SEMA3E: variants seen among roughly 807,000 people sequenced by gnomAD.
SEMA3E encodes the protein semaphorin 3E, also known as semaphorin-3E.
A neutral mutation model predicts 93.6 loss-of-function variants in SEMA3E; 49 were observed. The observed-to-expected ratio is 0.52, with a 90% confidence interval of 0.42 to 0.66. The LOEUF is 0.66. SEMA3E is among the 30% of genes least tolerant of loss of function. The probability of loss-of-function intolerance (pLI) is 0.00; values close to 1 mark genes in which losing one functional copy is unlikely to be tolerated. For synonymous variants in SEMA3E, 363 were observed against 330.7 expected (o/e 1.10, Z -1.06); for missense variants, 906 against 964.8 (o/e 0.94, Z 0.81).
At chr7:83,508,341 C>T (rs113576144) in intron 1 of SEMA3E, among the ~76,000 whole-genome samples, 22,594 of 150,936 alleles carry the variant, frequency 0.15, 2,043 homozygotes, top group Middle Eastern at 0.35. Context: ...CAACTCACTG[C>T]AACCTCTGCC....
chr7:83,382,620 T>C (rs1787798783), intron 16 of SEMA3E, among the ~76,000 whole-genome samples: 1 of 151,678 alleles, frequency 6.6e-6, no homozygotes, highest in Non-Finnish European at 1.5e-5. Context: ...ATGCTATACA[T>C]AGTATCTTAT....
chr7:83,568,070 TAC>T (rs1792200937), intron 1 of SEMA3E, among the ~76,000 whole-genome samples: 1 of 151,706 alleles, frequency 6.6e-6, no homozygotes, highest in African/African-American at 2.4e-5. Flanking sequence ...ACAACTGAAA[TAC>T]AGAAGATCAT....
chr7:83,387,512 C>A (rs940245578), intron 14 of SEMA3E, among the ~76,000 whole-genome samples: 1 of 151,938 alleles, frequency 6.6e-6, no homozygotes, highest in Non-Finnish European at 1.5e-5. Context: ...ATAGTTTGTT[C>A]TATAGCCATT....
chr7:83,400,130 G>T lies in SEMA3E; in HGVS notation c.1264C>A (p.Pro422Thr), dbSNP rs762609959. 6.2e-7 allele frequency: 1 copy of T among 1,613,858 alleles called. No homozygotes were observed. Among genetic ancestry groups the T allele is most frequent in the Non-Finnish European group, 8.5e-7 (1 of 1,179,920 alleles). ...YQAIKPAHKKPILVKTDGKYN... is the reference protein window; with the variant it reads ...YQAIKPAHKKTILVKTDGKYN... ...TTTCCATCTGTTTTTACCAATATTG[G>T]TTTTTTATGGGCAGGTTTTATGGCC... The change falls in exon 11 of 17, where the codon CCA becomes ACA. Residue 422 changes from proline (P) to threonine (T), a missense_variant. By Grantham distance (38) the Pro-to-Thr change is conservative. Transcript: ENST00000643230.
intron 4 of SEMA3E, among the ~76,000 whole-genome samples, chr7:83,464,378 C>A (rs1422623268): frequency 6.7e-6 from 1 of 149,738 alleles, no homozygotes; most frequent in Admixed American, 6.7e-5. Flanking sequence ...GACTGTGCCC[C>A]CAAAAACTTG....
At chr7:83,436,066 T>C (rs759800118) in intron 4 of SEMA3E, among the ~76,000 whole-genome samples, 2 of 152,094 alleles carry the variant, frequency 1.3e-5, no homozygotes, top group Non-Finnish European at 2.9e-5. Flanking sequence ...GGGACCATAA[T>C]ATCAATACTA....
chr7:83,553,996 A>T (rs1180799307), intron 1 of SEMA3E, among the ~76,000 whole-genome samples: 1 of 152,122 alleles, frequency 6.6e-6, no homozygotes. Flanking sequence ...TTTTTAAAAA[A>T]TTTGCTGAAT....
intron 1 of SEMA3E, among the ~76,000 whole-genome samples, chr7:83,583,828 C>T (rs1158994638): frequency 6.6e-6 from 1 of 152,062 alleles, no homozygotes; most frequent in Non-Finnish European, 1.5e-5. Flanking sequence ...GTTCATTATG[C>T]CTGCGTGGTT....
chr7:83,498,870 C>T (rs552569001), intron 1 of SEMA3E, among the ~76,000 whole-genome samples: 31 of 152,238 alleles, frequency 2.0e-4, no homozygotes, highest in African/African-American at 7.0e-4. Flanking sequence ...TGGACTTTCC[C>T]TCTATTTAGT....
At chr7:83,434,914 C>T (rs1272867514) in intron 4 of SEMA3E, among the ~76,000 whole-genome samples, 4 of 151,436 alleles carry the variant, frequency 2.6e-5, no homozygotes, top group East Asian at 2.0e-4. Flanking sequence ...GGGGTTTCAC[C>T]GTTTTAGCCG....
At chr7:83,556,608 G>C (rs1791900513) in intron 1 of SEMA3E, among the ~76,000 whole-genome samples, 1 of 152,102 alleles carries the variant, frequency 6.6e-6, no homozygotes, top group Non-Finnish European at 1.5e-5. Context: ...ACAAGTAGCA[G>C]GCATGCCATA....
At chr7:83,486,348 T>A (rs995852196) in intron 2 of SEMA3E, among the ~76,000 whole-genome samples, 1 of 152,140 alleles carries the variant, frequency 6.6e-6, no homozygotes, top group Non-Finnish European at 1.5e-5. Context: ...CATCCTTAAC[T>A]ATGCATTATC....
chr7:83,587,353 T>C (rs1467999790), intron 1 of SEMA3E, among the ~76,000 whole-genome samples: 4 of 152,140 alleles, frequency 2.6e-5, no homozygotes, highest in Non-Finnish European at 5.9e-5. Flanking sequence ...TATTAGATTA[T>C]AACAAGGTGC....
intron 1 of SEMA3E, among the ~76,000 whole-genome samples, chr7:83,585,933 A>G (rs1792617308): frequency 6.6e-6 from 1 of 152,180 alleles, no homozygotes; most frequent in African/African-American, 2.4e-5. Context: ...ATGTTGGTAA[A>G]TTCAGAAGAA....
chr7:83,441,956 T>C (rs77127453), intron 4 of SEMA3E, among the ~76,000 whole-genome samples: 1 of 152,184 alleles, frequency 6.6e-6, no homozygotes, highest in Admixed American at 6.5e-5. Flanking sequence ...TCTCTGTTCT[T>C]TGAATTCTTT....
chr7:83,585,375 C>A (rs995673694), intron 1 of SEMA3E, among the ~76,000 whole-genome samples: 1 of 152,142 alleles, frequency 6.6e-6, no homozygotes. Context: ...GAAGGGCCAG[C>A]ATTTTCTTGT....
At chr7:83,450,702 G>T in intron 4 of SEMA3E, among the ~76,000 whole-genome samples, 1 of 149,386 alleles carries the variant, frequency 6.7e-6, no homozygotes, top group African/African-American at 2.4e-5. Context: ...AAAATCATAG[G>T]TTATCTTTTT....
At chr7:83,610,676 T>C (rs1195195347) in intron 1 of SEMA3E, among the ~76,000 whole-genome samples, 1 of 152,018 alleles carries the variant, frequency 6.6e-6, no homozygotes, top group Admixed American at 6.6e-5. Flanking sequence ...TGACTATATT[T>C]GGAGATAGAG....
chr7:83,433,283 G>A (rs1444588045), intron 4 of SEMA3E, among the ~76,000 whole-genome samples: 2 of 152,022 alleles, frequency 1.3e-5, no homozygotes, highest in Non-Finnish European at 2.9e-5. Context: ...TATATATTTG[G>A]AGGTTGTTTC....
Sources: gnomAD v4.1 joint callset for allele counts (sites outside exome capture counted in the v4.1 genomes callset) on GRCh38, gnomAD v4.1.1 for gene constraint, MANE v1.5 for transcripts, NCBI Gene and HGNC (gene_info 2026-07-23, HGNC 2026-07-21) for gene names.